The following PTPRN variants were observed in gnomAD, a reference collection of about 807,000 sequenced individuals.
PTPRN encodes protein tyrosine phosphatase receptor type N.
PTPRN carries 70 observed loss-of-function variants against 108.5 expected under a neutral mutation model. The ratio of observed to expected loss-of-function variants is 0.65; its 90% CI spans 0.53 to 0.79. PTPRN has a LOEUF of 0.79. Among genes scored for constraint, PTPRN ranks in the 30% least tolerant of loss-of-function variants. The pLI is 0.00. For synonymous variants in PTPRN, 496 were observed against 524.6 expected, an observed-to-expected ratio of 0.95 and a Z score of 0.75; for missense variants, 1,136 against 1,295.5, an observed-to-expected ratio of 0.88 and a Z score of 1.89.
chr2:219,290,934 A>G lies in PTPRN; in HGVS notation c.2730-44T>C. The G allele has an allele frequency of 6.3e-7, 1 of 1,588,650 alleles. No homozygotes were observed. Among genetic ancestry groups the G allele is most frequent in the Non-Finnish European group, 8.6e-7 (1 of 1,156,964 alleles). On this transcript the variant is annotated intron_variant, in intron 20 of 22. Transcript: ENST00000295718. This position sits in a 1 kb window ranked among gnomAD's most constrained non-coding sequence, Gnocchi z 4.2. Reference sequence around the variant, plus strand: ...ACAGGTTTAGCTTGAGATGCAGCAGAAAGGGGGAGGGACGGAGGAGGCGAG... The same window carrying G: ...ACAGGTTTAGCTTGAGATGCAGCAGGAAGGGGGAGGGACGGAGGAGGCGAG...
intron 3 of PTPRN, among the ~76,000 whole-genome samples, chr2:219,306,669 T>A (rs1219870576): frequency 3.9e-5 from 6 of 152,212 alleles, no homozygotes; most frequent in Admixed American, 3.9e-4. Flanking sequence ...TGACCTCACC[T>A]TCTACTCTTC....
intron 11 of PTPRN, 34 bp downstream of exon 11, chr2:219,299,271 C>T: frequency 1.9e-6 from 3 of 1,611,150 alleles, no homozygotes; most frequent in Non-Finnish European, 2.5e-6. Flanking sequence ...GGGGCTGGGG[C>T]CAAGCCTGGG....
chr2:219,304,742 C>A (rs774021343), intron 3 of PTPRN, among the ~76,000 whole-genome samples: 8 of 152,352 alleles, frequency 5.3e-5, no homozygotes, highest in Middle Eastern at 6.8e-3. Flanking sequence ...CAGGAACATT[C>A]TCCTTGCAAT....
chr2:219,300,143 G>C lies in PTPRN; in HGVS notation c.1278C>G (p.Ser426Arg). The change falls in exon 9 of 23, where the codon AGC becomes AGG. Residue 426 changes from serine to arginine, a missense_variant. Ser to Arg is a moderately radical substitution (Grantham distance 110). Coordinates refer to ENST00000295718, the MANE Select transcript of PTPRN (RefSeq NM_002846.4). ...PTSSEVQQVPSPVSSEPPKAA... is the reference protein window; with the variant it reads ...PTSSEVQQVPRPVSSEPPKAA... The stretch of plus-strand genomic sequence containing the variant: ...CTTTGGGAGGCTCAGAGGAGACAGG[G>C]CTTGGCACCTGCTGGACTTCACTGG... 1 of 1,614,010 alleles carries C rather than the reference G, an allele frequency of 6.2e-7. No homozygotes were observed.
At position 219,300,274 on chromosome 2, in the gene PTPRN, G is replaced by A. The variant is rs1191021219; in HGVS notation, c.1162-15C>T. On this transcript the variant is annotated splice_polypyrimidine_tract_variant and intron_variant, in intron 8 of 22. Transcript: ENST00000295718. Reference sequence around the variant, plus strand: ...CCCTCCATTGTCTGTTCAGAAGAGGGTGGAGGTGTGGCCTCTGGACAGTGC... The same window carrying A: ...CCCTCCATTGTCTGTTCAGAAGAGGATGGAGGTGTGGCCTCTGGACAGTGC... 1 of 1,543,912 alleles carries A rather than the reference G, an allele frequency of 6.5e-7. No individual in the cohort carries two copies. The highest frequency in any genetic ancestry group is 8.7e-7 in the Non-Finnish European group (1 of 1,144,572).
In PTPRN at chr2:219,298,933, A is replaced by C. The variant is rs541418774; in HGVS notation, c.1668+114T>G. The C allele has an allele frequency of 4.1e-5, 52 of 1,282,226 alleles. 1 individual carries two copies. In the East Asian group the frequency reaches 1.1e-3, roughly 27 times the overall value. The allele number at this position is 1,282,226 out of a possible 1,614,324, so 79.4% of individuals were successfully genotyped here. A position where few individuals can be genotyped will look rare whatever the true frequency, so the allele number is the denominator to read the frequency against. ...GCTTGGGCGAAGGCCGCCTCCAGCC[A>C]GCCGTGCCTACGGACACGTTTCGGC... On this transcript the variant is annotated intron_variant, in intron 12 of 22. Transcript: ENST00000295718.
At chr2:219,292,674 A>G (rs1574910196) in intron 19 of PTPRN, 1 of 152,164 alleles carries the variant, frequency 6.6e-6, no homozygotes, top group East Asian at 1.9e-4. Context: ...TAGATTTTAC[A>G]TACTTTATCA....
rs142317962 is a variant in PTPRN at position 219,296,778 on chromosome 2, G to A, written c.2281C>T (p.Arg761Trp). Residue 761 changes from arginine to tryptophan, a missense_variant, in exon 16 of 23, where the codon CGG (arginine) becomes TGG (tryptophan). Coordinates refer to ENST00000295718, the MANE Select transcript of PTPRN (RefSeq NM_002846.4). The surrounding 1 kb of genome is among the most constrained non-coding windows in gnomAD (Gnocchi z 6.0). ...GGGCTGGCGTTGATGTAATCGCTCCGAGAAGGGCTGCTCTCCACCTTCAGT... is the reference window on the plus strand; with the variant it reads ...GGGCTGGCGTTGATGTAATCGCTCCAAGAAGGGCTGCTCTCCACCTTCAGT... ...IKLKVESSPS[R>W]SDYINASPII... is the part of the protein sequence containing the mutation. The A allele has an allele frequency of 4.6e-5, 74 of 1,613,828 alleles. 1 individual carries two copies. The African/African-American group carries it at 6.9e-4, about 15-fold the overall frequency.
intron 19 of PTPRN, among the ~76,000 whole-genome samples, chr2:219,293,072 GA>G (rs1373020472): frequency 3.3e-5 from 5 of 152,202 alleles, no homozygotes; most frequent in Non-Finnish European, 5.9e-5. Flanking sequence ...ACAGGTAGCG[GA>G]ATGGAGGGAA....
chr2:219,299,572 A>G (rs962197210), intron 10 of PTPRN, 128 bp downstream of exon 10: 1 of 1,153,424 alleles, frequency 8.7e-7, no homozygotes, highest in Non-Finnish European at 1.3e-6. Context: ...CTGTACCTTC[A>G]GTACAGCTGG....
chr2:219,298,658 C>T (rs541457789), intron 12 of PTPRN, among the ~76,000 whole-genome samples: 18 of 152,272 alleles, frequency 1.2e-4, no homozygotes, highest in South Asian at 4.1e-4. Flanking sequence ...TGCAGTGAGC[C>T]GAGATCGAGC....
At chr2:219,301,519 C>A in intron 7 of PTPRN, 69 bp downstream of exon 7, 1 of 1,545,658 alleles carries the variant, frequency 6.5e-7, no homozygotes, top group South Asian at 1.2e-5. Context: ...TCCAAGTGGT[C>A]TCGAGGCAGG....
intron 3 of PTPRN, among the ~76,000 whole-genome samples, chr2:219,304,908 C>T (rs1032406370): frequency 1.1e-4 from 17 of 152,184 alleles, no homozygotes; most frequent in African/African-American, 4.1e-4. Context: ...AGCAAGACTT[C>T]TAGAAAAAGT....
chr2:219,298,648 T>G (rs1574920688), intron 12 of PTPRN, among the ~76,000 whole-genome samples: 1 of 152,208 alleles, frequency 6.6e-6, no homozygotes, highest in South Asian at 2.1e-4. Flanking sequence ...AGGTGGAGGT[T>G]GCAGTGAGCC....
At position 219,302,375 on chromosome 2, in the gene PTPRN, T is replaced by C. The variant is rs1952373869; in HGVS notation, c.756A>G (p.Ile252Met). The stretch of plus-strand genomic sequence containing the variant: ...AGGAGTGGCCAGGGTGGTCCCCAAA[T>C]ATGCCCTTGGAGGCAGTTCTGCTGA... ...ALFSRTASKG[I>M]FGDHPGHSYG... Residue 252 changes from isoleucine (I) to methionine (M), a missense_variant, in exon 6 of 23, where the codon ATA becomes ATG. By Grantham distance (10) the Ile-to-Met change is conservative. Coordinates refer to ENST00000295718, the MANE Select transcript of PTPRN (RefSeq NM_002846.4). 1 of 1,613,824 alleles carries C rather than the reference T, an allele frequency of 6.2e-7. No individual in the cohort carries two copies. Among genetic ancestry groups the C allele is most frequent in the African/African-American group, 1.3e-5 (1 of 74,916 alleles).
At position 219,300,018 on chromosome 2, in the gene PTPRN, G is replaced by A. The variant is rs775661243; in HGVS notation, c.1403C>T (p.Ala468Val). 6.2e-7 allele frequency: 1 copy of A among 1,614,232 alleles called. No homozygotes were observed. Among genetic ancestry groups the A allele is most frequent in the African/African-American group, 1.3e-5 (1 of 75,050 alleles). Reference protein sequence around the residue: ...VAGQPSARPAAEEYGYIVTDQ... With the variant: ...VAGQPSARPAVEEYGYIVTDQ... ...AGTGACGATGTAGCCATATTCCTCT[G>A]CTGCTGGGCGGGCTGAGGGCTGTCC... Residue 468 changes from alanine to valine, a missense_variant, in exon 9 of 23, where the codon GCA becomes GTA. Transcript: ENST00000295718.
At chr2:219,307,268 G>C in intron 3 of PTPRN, 176 bp downstream of exon 3, 1 of 567,502 alleles carries the variant, frequency 1.8e-6, no homozygotes, top group Admixed American at 3.1e-5. Flanking sequence ...GGCTTCTCCA[G>C]AGAGTCCAAA....
chr2:219,298,862 C>T, intron 12 of PTPRN, 185 bp downstream of exon 12: 1 of 698,758 alleles, frequency 1.4e-6, no homozygotes, highest in Non-Finnish European at 2.6e-6. Flanking sequence ...AGGGAGGGGA[C>T]ACCTACGCCA....
In PTPRN at chr2:219,297,138, G is replaced by A. The variant is rs557286979; in HGVS notation, c.2089-6C>T. On this transcript the variant is annotated splice_polypyrimidine_tract_variant and splice_region_variant and intron_variant, in intron 14 of 22. Coordinates refer to ENST00000295718, the MANE Select transcript of PTPRN (RefSeq NM_002846.4). This position sits in a 1 kb window ranked among gnomAD's most constrained non-coding sequence, Gnocchi z 6.0. ...AGGTGATCCTCCATGTATGCCTGTGGGGGCACCACGGTCTGGCTCTGGCCC... is the reference window on the plus strand; with the variant it reads ...AGGTGATCCTCCATGTATGCCTGTGAGGGCACCACGGTCTGGCTCTGGCCC... 4.3e-4 allele frequency: 692 copies of A among 1,613,718 alleles called. 13 individuals are homozygous for A. In the South Asian group the frequency reaches 7.4e-3, roughly 17 times the overall value.
Sources: allele counts gnomAD v4.1 joint callset (sites outside exome capture counted in the v4.1 genomes callset), GRCh38; gene constraint gnomAD v4.1.1; non-coding constraint Gnocchi (gnomAD v3.1); transcripts MANE v1.5; gene names NCBI Gene and HGNC (gene_info 2026-07-23, HGNC 2026-07-21).